Variants in CSMD1 observed in about 807,000 individuals in gnomAD.
CSMD1 encodes CUB and sushi domain-containing protein 1.
Under a neutral mutation model 417.5 loss-of-function variants are expected in CSMD1, and 213 were observed. The ratio of observed to expected loss-of-function variants is 0.51; its 90% CI spans 0.46 to 0.57. The LOEUF (loss-of-function observed/expected upper bound fraction) is 0.57, where lower values mean the gene tolerates loss of function less well. CSMD1 is among the 20% of genes least tolerant of loss of function. The pLI is 0.00. For synonymous variants in CSMD1, 2,862 were observed against 1,736.8 expected, an observed-to-expected ratio of 1.65 and a Z score of -16.11; for missense variants, 6,923 against 4,529.7, an observed-to-expected ratio of 1.53 and a Z score of -15.17.
chr8:4,189,315 T>A (rs1798874873), intron 3 of CSMD1, among the ~76,000 whole-genome samples: 1 of 152,196 alleles, frequency 6.6e-6, no homozygotes, highest in African/African-American at 2.4e-5. Flanking sequence ...TAAATCAAGA[T>A]GAAGCCTGGT....
chr8:4,221,867 T>C (rs1189482036), intron 3 of CSMD1, among the ~76,000 whole-genome samples: 3 of 152,118 alleles, frequency 2.0e-5, no homozygotes, highest in Admixed American at 6.5e-5. Flanking sequence ...AGGAAGGATA[T>C]TAGAGAATTC....
intron 10 of CSMD1, among the ~76,000 whole-genome samples, chr8:3,563,675 G>C (rs904901661): frequency 2.7e-4 from 41 of 152,204 alleles, no homozygotes; most frequent in African/African-American, 8.9e-4. Flanking sequence ...TGGATCATGA[G>C]GTCAGGAGTT....
At chr8:2,966,499 A>G in intron 58 of CSMD1, 71 bp downstream of exon 58, 1 of 1,412,634 alleles carries the variant, frequency 7.1e-7, no homozygotes, top group Non-Finnish European at 9.7e-7. Flanking sequence ...AACACCTTAA[A>G]GTCATTTTTT....
intron 1 of CSMD1, among the ~76,000 whole-genome samples, chr8:4,741,819 A>C (rs1810627416): frequency 6.6e-6 from 1 of 151,934 alleles, no homozygotes; most frequent in East Asian, 1.9e-4. Flanking sequence ...ATTCATGTAC[A>C]CTTTAAGGAG....
At chr8:4,341,621 C>A (rs113809363) in intron 3 of CSMD1, among the ~76,000 whole-genome samples, 3 of 152,058 alleles carry the variant, frequency 2.0e-5, no homozygotes, top group African/African-American at 7.2e-5. Context: ...CTGTAACTTA[C>A]GGAAAAATGT....
chr8:3,895,053 G>A (rs1294641622), intron 5 of CSMD1, among the ~76,000 whole-genome samples: 1 of 152,134 alleles, frequency 6.6e-6, no homozygotes, highest in Non-Finnish European at 1.5e-5. Context: ...AATGGTATAG[G>A]TGGAGTACAG....
intron 1 of CSMD1, among the ~76,000 whole-genome samples, chr8:4,723,917 C>A (rs1434165010): frequency 6.6e-6 from 1 of 151,906 alleles, no homozygotes; most frequent in East Asian, 1.9e-4. Flanking sequence ...ATATACAGAT[C>A]TCTTCAAAAC....
At chr8:3,221,395 T>A (rs1312781211) in intron 28 of CSMD1, among the ~76,000 whole-genome samples, 1 of 152,218 alleles carries the variant, frequency 6.6e-6, no homozygotes, top group African/African-American at 2.4e-5. Context: ...AGAATTTTAT[T>A]GGAATAATAA....
In CSMD1 at chr8:3,806,389, A is replaced by G. The variant is rs73658285; in HGVS notation, c.819-52347T>C. Among the ~76,000 whole-genome samples, 254 of 152,304 alleles carry G rather than the reference A, an allele frequency of 1.7e-3. 1 individual carries two copies. Among genetic ancestry groups the G allele is most frequent in the African/African-American group, 4.9e-3 (202 of 41,566 alleles). ...CCAATATGCCCCTGAAGCCTGTGGGACACAAAAGCGTGTGTGAAGCCCTCA... is the reference window on the plus strand; with the variant it reads ...CCAATATGCCCCTGAAGCCTGTGGGGCACAAAAGCGTGTGTGAAGCCCTCA... On this transcript the variant is annotated intron_variant, in intron 5 of 69. Transcript: ENST00000635120.
At chr8:3,729,952 A>AAC (rs1802737397) in intron 6 of CSMD1, among the ~76,000 whole-genome samples, 1 of 13,098 alleles carries the variant, frequency 7.6e-5, no homozygotes, top group African/African-American at 1.3e-4. Flanking sequence ...AAAAAAAAAA[A>AAC]AAAAAAAAAC....
At chr8:3,735,007 G>C (rs1796457036) in intron 6 of CSMD1, among the ~76,000 whole-genome samples, 1 of 152,238 alleles carries the variant, frequency 6.6e-6, no homozygotes, top group Non-Finnish European at 1.5e-5. Flanking sequence ...AAAGAGAGGA[G>C]TGAGGAGGGA....
chr8:3,477,946 A>G (rs1412472934), intron 11 of CSMD1, among the ~76,000 whole-genome samples: 6 of 152,354 alleles, frequency 3.9e-5, no homozygotes, highest in South Asian at 2.1e-4. Context: ...TGACTGAAAA[A>G]TAAGTCAAGG....
chr8:3,977,834 A>C (rs1813557843), intron 5 of CSMD1, among the ~76,000 whole-genome samples: 1 of 152,202 alleles, frequency 6.6e-6, no homozygotes, highest in African/African-American at 2.4e-5. Context: ...GGTTTTCAGC[A>C]AGTCACAAGA....
rs943452289 is a variant in CSMD1 at position 3,641,267 on chromosome 8, G to C, written c.1010-24470C>G. 2.0e-5 allele frequency among the ~76,000 whole-genome samples: 3 copies of C among 151,990 alleles called. No individual in the cohort carries two copies. In the East Asian group the frequency reaches 5.8e-4, roughly 29 times the overall value. On this transcript the variant is annotated intron_variant, in intron 7 of 69. Transcript: ENST00000635120. ...CATGGGTCCCTGAGCAAATCCAGGG[G>C]AGTAAGTGGCAGTGATTCCCAGCCT... is the stretch of plus-strand genomic sequence containing the variant.
intron 5 of CSMD1, among the ~76,000 whole-genome samples, chr8:3,927,872 A>T (rs188740598): frequency 6.6e-6 from 1 of 152,176 alleles, no homozygotes; most frequent in African/African-American, 2.4e-5. Flanking sequence ...TTTCATAAAC[A>T]TTCTTAATAT....
At chr8:4,106,972 G>C (rs1028063374) in intron 3 of CSMD1, among the ~76,000 whole-genome samples, 8 of 152,210 alleles carry the variant, frequency 5.3e-5, no homozygotes, top group Non-Finnish European at 1.5e-5. Flanking sequence ...CTCTACGTCA[G>C]AGACTCAGCA....
Position 2,966,814 on chromosome 8 carries a change from G to C in CSMD1, c.8924-68C>G, listed in dbSNP as rs141877932. 94 of 1,435,030 alleles carry C rather than the reference G, an allele frequency of 6.6e-5. 1 individual carries two copies. The Middle Eastern group carries it at 8.9e-4, about 14-fold the overall frequency. 88.9% of individuals were successfully genotyped at this position (1,435,030 alleles called of 1,614,324 possible). On this transcript the variant is annotated intron_variant, in intron 57 of 69. Coordinates refer to ENST00000635120, the MANE Select transcript of CSMD1 (RefSeq NM_033225.6). The stretch of plus-strand genomic sequence containing the variant: ...CAGCATGAAAATGGCAAACACAAGA[G>C]ACCAATGGGTATCAGTGCAATAGAC...
intron 6 of CSMD1, among the ~76,000 whole-genome samples, chr8:3,713,256 A>C (rs1434043737): frequency 6.6e-6 from 1 of 152,156 alleles, no homozygotes; most frequent in African/African-American, 2.4e-5. Flanking sequence ...CCTTCACTAT[A>C]ATCTCTAAGT....
chr8:3,164,264 G>C (rs1437810143), intron 37 of CSMD1, among the ~76,000 whole-genome samples: 2 of 152,200 alleles, frequency 1.3e-5, no homozygotes, highest in African/African-American at 4.8e-5. Flanking sequence ...TATAGAATGA[G>C]TAGGTAGGAG....
Sources: gnomAD v4.1 joint callset for allele counts (sites outside exome capture counted in the v4.1 genomes callset) on GRCh38, gnomAD v4.1.1 for gene constraint, MANE v1.5 for transcripts, NCBI Gene and HGNC (gene_info 2026-07-23, HGNC 2026-07-21) for gene names.